TSPOAP1: variants seen among roughly 807,000 people sequenced by gnomAD.
TSPOAP1 encodes the protein peripheral-type benzodiazepine receptor-associated protein 1.
TSPOAP1 carries 87 observed loss-of-function variants against 197.0 expected under a neutral mutation model. The observed-to-expected ratio is 0.44, with a 90% confidence interval of 0.37 to 0.53. TSPOAP1 has a LOEUF of 0.53. Ranked by LOEUF, TSPOAP1 falls within the 20% of genes least tolerant of loss-of-function variation. The probability of loss-of-function intolerance (pLI) is 0.00; values close to 1 mark genes in which losing one functional copy is unlikely to be tolerated. For missense variants in TSPOAP1, 2,174 were observed against 2,411.3 expected (o/e 0.90, Z 2.06); for synonymous variants, 913 against 998.9 (o/e 0.91, Z 1.62).
chr17:58,313,905 T>G (rs1024729856), intron 16 of TSPOAP1, among the ~76,000 whole-genome samples: 1 of 152,220 alleles, frequency 6.6e-6, no homozygotes, highest in African/African-American at 2.4e-5. Context: ...CCTGCATCAG[T>G]TCTCCTGAAG....
In TSPOAP1 at chr17:58,304,319, G is replaced by A; in HGVS notation, c.*32+19C>T. 6.2e-7 allele frequency: 1 copy of A among 1,608,114 alleles called. No homozygotes were observed. Among genetic ancestry groups the A allele is most frequent in the Non-Finnish European group, 8.5e-7 (1 of 1,174,920 alleles). On this transcript the variant is annotated intron_variant, in intron 31 of 31. Coordinates refer to ENST00000343736, the MANE Select transcript of TSPOAP1 (RefSeq NM_004758.4). The surrounding 1 kb of genome is among the most constrained non-coding windows in gnomAD (Gnocchi z 4.2). ...AAGTGGGGGTGGACGGTCACACAGG[G>A]GGGCAGTCCCCCACTTACATGTTGC...
At position 58,312,233 on chromosome 17, in the gene TSPOAP1, G is replaced by C. The variant is rs1164112713; in HGVS notation, c.2588C>G (p.Thr863Ser). 1 of 1,612,634 alleles carries C rather than the reference G, an allele frequency of 6.2e-7. No homozygotes were observed. The highest frequency in any genetic ancestry group is 8.5e-7 in the Non-Finnish European group (1 of 1,179,842). The change falls in exon 17 of 32, where the codon ACT becomes AGT. Residue 863 changes from threonine (T) to serine (S), a missense_variant. Thr to Ser is a moderately conservative substitution (Grantham distance 58). Transcript: ENST00000343736. ...GPLHISVQALTSRGSSDPLRC... is the reference protein window; with the variant it reads ...GPLHISVQALSSRGSSDPLRC... ...CAGTGGGTCAGAGCTGCCCCGGCTA[G>C]TCAGGGCCTGGACAGAAATGTGAAG... is the stretch of plus-strand genomic sequence containing the variant.
rs1295120977 is a variant in TSPOAP1 at position 58,323,031 on chromosome 17, C to T, written c.1113G>A (p.Gln371=). 1 of 1,608,118 alleles carries T rather than the reference C, an allele frequency of 6.2e-7. No homozygotes were observed. The change falls in exon 8 of 32, where the codon CAG becomes CAA. Residue 371 remains glutamine, a synonymous_variant. Coordinates refer to ENST00000343736, the MANE Select transcript of TSPOAP1 (RefSeq NM_004758.4). ...CATTCTCATTCTGCGCTTGTCTCAG[C>T]TGCAGTTCCTGAGCGGGCAGAGGAG... is the stretch of plus-strand genomic sequence containing the variant. The part of the protein sequence containing the change: ...KQRRCEELEL[Q]LRQAQNENAR...
chr17:58,306,327 T>C lies in TSPOAP1; in HGVS notation c.5224+15A>G. 6.4e-7 allele frequency: 1 copy of C among 1,550,980 alleles called. No homozygotes were observed. Among genetic ancestry groups the C allele is most frequent in the Non-Finnish European group, 8.7e-7 (1 of 1,146,140 alleles). On this transcript the variant is annotated intron_variant, in intron 26 of 31. Transcript: ENST00000343736. The stretch of plus-strand genomic sequence containing the variant: ...CATCCTCCCAGCACCTGAGAGAGAA[T>C]GGGGTCTTACCCACCTTTCTTGGAG...
Position 58,312,664 on chromosome 17 carries a change from C to T in TSPOAP1, c.2157G>A (p.Ser719=), listed in dbSNP as rs1435544618. 4 of 1,613,698 alleles carry T rather than the reference C, an allele frequency of 2.5e-6. No homozygotes were observed. The highest frequency in any genetic ancestry group is 1.3e-5 in the African/African-American group (1 of 75,018). The change falls in exon 17 of 32, where the codon TCG becomes TCA. Residue 719 remains serine, a synonymous_variant. Coordinates refer to ENST00000343736, the MANE Select transcript of TSPOAP1 (RefSeq NM_004758.4). ...LVPSNFVERV[S]DDDLLTSLPP... ...GGAGGGAGGTCAGGAGGTCATCATC[C>T]GACACACGCTCTACAAAATTGGAAG...
chr17:58,313,440 C>A (rs1049913927), intron 16 of TSPOAP1, among the ~76,000 whole-genome samples: 6 of 151,958 alleles, frequency 3.9e-5, no homozygotes, highest in African/African-American at 1.5e-4. Context: ...TGGCAAAACC[C>A]AATCTCTACA....
Position 58,307,413 on chromosome 17 carries a change from C to T in TSPOAP1, c.4983+198G>A, listed in dbSNP as rs539278220. On this transcript the variant is annotated intron_variant, in intron 24 of 31. Coordinates refer to ENST00000343736, the MANE Select transcript of TSPOAP1 (RefSeq NM_004758.4). ...TATCCCCATTTTACCAAAAAGAAAA[C>T]TGAGGCCCAGGGGGCCTAGGTAATC... is the stretch of plus-strand genomic sequence containing the variant. 3.3e-4 allele frequency: 222 copies of T among 669,446 alleles called. 1 individual carries two copies. Among genetic ancestry groups the T allele is most frequent in the South Asian group, 2.7e-3 (127 of 47,866 alleles). The allele number at this position is 669,446 out of a possible 1,614,324, so 41.5% of individuals were successfully genotyped here. A position where few individuals can be genotyped will look rare whatever the true frequency, so the allele number is the denominator to read the frequency against.
Position 58,301,258 on chromosome 17 carries a change from A to C in TSPOAP1, c.*1222T>G, listed in dbSNP as rs1970715470. The C allele has an allele frequency of 6.6e-6, 1 of 152,646 alleles. No individual in the cohort carries two copies. The allele number at this position is 152,646 out of a possible 1,614,324, so 9.5% of individuals were successfully genotyped here. ...TTGTGAAAATAGACTTTATTATAAT[A>C]AAATGTCTTTTTAAACAAATTCCCC... is the stretch of plus-strand genomic sequence containing the variant. On this transcript the variant is annotated 3_prime_UTR_variant, in exon 32 of 32. Coordinates refer to ENST00000343736, the MANE Select transcript of TSPOAP1 (RefSeq NM_004758.4).
intron 12 of TSPOAP1, 130 bp downstream of exon 12, chr17:58,319,979 G>A: frequency 8.1e-7 from 1 of 1,239,024 alleles, no homozygotes; most frequent in Non-Finnish European, 1.2e-6. Flanking sequence ...CACCCCCTAT[G>A]GATTCTCATG....
At position 58,312,422 on chromosome 17, in the gene TSPOAP1, A is replaced by G; in HGVS notation, c.2399T>C (p.Leu800Pro). The G allele has an allele frequency of 6.2e-7, 1 of 1,613,132 alleles. No homozygotes were observed. The highest frequency in any genetic ancestry group is 8.5e-7 in the Non-Finnish European group (1 of 1,179,812). ...CACCACGCTGTGGGCCAGCTGCTTG[A>G]GGACCACCAGACGGCGGGGGTAAGG... ...AVPYPRRLVV[L>P]KQLAHSVVLA... The change falls in exon 17 of 32, where the codon CTC becomes CCC. Residue 800 changes from leucine to proline, a missense_variant. Transcript: ENST00000343736.
In TSPOAP1 at chr17:58,309,510, G is replaced by A. The variant is rs545950736; in HGVS notation, c.3892-130C>T. 2.0e-4 allele frequency: 258 copies of A among 1,286,458 alleles called. No homozygotes were observed. In the South Asian group the frequency reaches 2.1e-3, roughly 11 times the overall value. The allele number at this position is 1,286,458 out of a possible 1,614,324, so 79.7% of individuals were successfully genotyped here. On this transcript the variant is annotated intron_variant, in intron 21 of 31. Transcript: ENST00000343736. The surrounding 1 kb of genome is among the most constrained non-coding windows in gnomAD (Gnocchi z 5.0). ...ACGGACAACCCCACAGCCCTCCCACGGCTTCCTCCGAGAGGAGAGAACCAG... is the reference window on the plus strand; with the variant it reads ...ACGGACAACCCCACAGCCCTCCCACAGCTTCCTCCGAGAGGAGAGAACCAG...
intron 31 of TSPOAP1, chr17:58,302,891 C>G (rs73315971): frequency 0.014 from 2,115 of 153,564 alleles, 33 homozygotes; most frequent in African/African-American, 0.046. Context: ...GCTTCTACAG[C>G]CCCTCATAGA....
intron 12 of TSPOAP1, among the ~76,000 whole-genome samples, chr17:58,319,715 C>A (rs1388023244): frequency 6.6e-6 from 1 of 152,224 alleles, no homozygotes; most frequent in Non-Finnish European, 1.5e-5. Flanking sequence ...CTGAGAGAGG[C>A]GGGCAGGAAA....
rs556064517 is a variant in TSPOAP1 at position 58,320,104 on chromosome 17, G to T, written c.1494+5C>A. 1.9e-6 allele frequency: 3 copies of T among 1,614,008 alleles called. No individual in the cohort carries two copies. Among genetic ancestry groups the T allele is most frequent in the Non-Finnish European group, 8.5e-7 (1 of 1,180,004 alleles). On this transcript the variant is annotated splice_donor_5th_base_variant and intron_variant, in intron 12 of 31. Transcript: ENST00000343736. Reference sequence around the variant, plus strand: ...GGTGTGGGGAAGTGGAGAACGAGGCGCTACCTGCATGGAATCCAAGGTAGA... The same window carrying T: ...GGTGTGGGGAAGTGGAGAACGAGGCTCTACCTGCATGGAATCCAAGGTAGA...
chr17:58,301,690 C>G lies in TSPOAP1; in HGVS notation c.*790G>C, dbSNP rs577450624. 6.5e-6 allele frequency: 1 copy of G among 153,120 alleles called. No individual in the cohort carries two copies. The highest frequency in any genetic ancestry group is 2.1e-4 in the South Asian group (1 of 4,838). 9.5% of individuals were successfully genotyped at this position (153,120 alleles called of 1,614,324 possible). A position where few individuals can be genotyped will look rare whatever the true frequency, so the allele number is the denominator to read the frequency against. Reference sequence around the variant, plus strand: ...TGGGGCCCACTTTGGCTTGGCCTTTCTCCTTCCTGGGCCTGTGCAGTGGAA... The same window carrying G: ...TGGGGCCCACTTTGGCTTGGCCTTTGTCCTTCCTGGGCCTGTGCAGTGGAA... On this transcript the variant is annotated 3_prime_UTR_variant, in exon 32 of 32. Coordinates refer to ENST00000343736, the MANE Select transcript of TSPOAP1 (RefSeq NM_004758.4).
In TSPOAP1 at chr17:58,323,046, G is replaced by A. The variant is rs371812599; in HGVS notation, c.1105-7C>T. The A allele has an allele frequency of 3.6e-5, 57 of 1,602,656 alleles. No homozygotes were observed. The highest frequency in any genetic ancestry group is 8.9e-5 in the South Asian group (8 of 89,510). ...CTTGTCTCAGCTGCAGTTCCTGAGC[G>A]GGCAGAGGAGCTCTCAGGAGGGAGC... On this transcript the variant is annotated splice_region_variant and splice_polypyrimidine_tract_variant and intron_variant, in intron 7 of 31. Coordinates refer to ENST00000343736, the MANE Select transcript of TSPOAP1 (RefSeq NM_004758.4).
At position 58,304,306 on chromosome 17, in the gene TSPOAP1, A is replaced by T; in HGVS notation, c.*32+32T>A. On this transcript the variant is annotated intron_variant, in intron 31 of 31. Transcript: ENST00000343736. The surrounding 1 kb of genome is among the most constrained non-coding windows in gnomAD (Gnocchi z 4.2). ...TCTGATTATGGTCAAGTGGGGGTGG[A>T]CGGTCACACAGGGGGGCAGTCCCCC... The T allele has an allele frequency of 6.3e-7, 1 of 1,584,124 alleles. No individual in the cohort carries two copies. The highest frequency in any genetic ancestry group is 8.7e-7 in the Non-Finnish European group (1 of 1,153,350).
rs1445939225 is a variant in TSPOAP1 at position 58,324,703 on chromosome 17, C to T, written c.942+108G>A. ...CCCCAGCCCCTGGGAGTGCGCACAC[C>T]ACCACTGAGTCCTTGGGGTTCTGAG... is the stretch of plus-strand genomic sequence containing the variant. On this transcript the variant is annotated intron_variant, in intron 5 of 31. Transcript: ENST00000343736. The surrounding 1 kb of genome is among the most constrained non-coding windows in gnomAD (Gnocchi z 5.8). 2 of 1,004,048 alleles carry T rather than the reference C, an allele frequency of 2.0e-6. No individual in the cohort carries two copies. Among genetic ancestry groups the T allele is most frequent in the Middle Eastern group, 3.2e-4 (1 of 3,110 alleles). 62.2% of individuals were successfully genotyped at this position (1,004,048 alleles called of 1,614,324 possible). A position where few individuals can be genotyped will look rare whatever the true frequency, so the allele number is the denominator to read the frequency against.
At chr17:58,306,170 G>A (rs932756792) in intron 26 of TSPOAP1, among the ~76,000 whole-genome samples, 172 bp downstream of exon 26, 2 of 151,620 alleles carry the variant, frequency 1.3e-5, no homozygotes, top group Non-Finnish European at 2.9e-5. Flanking sequence ...GTGGTCTGCC[G>A]ATTCCCTTTA....
Sources: allele counts gnomAD v4.1 joint callset (sites outside exome capture counted in the v4.1 genomes callset), GRCh38; gene constraint gnomAD v4.1.1; non-coding constraint Gnocchi (gnomAD v3.1); transcripts MANE v1.5; gene names NCBI Gene and HGNC (gene_info 2026-07-23, HGNC 2026-07-21).